The following DPYD variants were observed in gnomAD, a reference collection of about 807,000 sequenced individuals.
The protein encoded by DPYD is dihydropyrimidine dehydrogenase [NADP(+)].
DPYD carries 109 observed loss-of-function variants against 116.2 expected under a neutral mutation model. That is an observed-to-expected ratio of 0.94 (90% CI 0.80 to 1.10). DPYD has a LOEUF of 1.10. Among genes scored for constraint, DPYD ranks in the 50% least tolerant of loss-of-function variants. DPYD has a pLI of 0.00. For missense variants in DPYD, 1,302 were observed against 1,254.5 expected (o/e 1.04, Z -0.57); for synonymous variants, 440 against 432.0 (o/e 1.02, Z -0.23).
At chr1:97,915,706 GA>G (rs1303562619) in intron 1 of DPYD, among the ~76,000 whole-genome samples, 1 of 152,130 alleles carries the variant, frequency 6.6e-6, no homozygotes, top group Non-Finnish European at 1.5e-5. Context: ...AATTAAGGTG[GA>G]ATATAAACAA....
intron 4 of DPYD, among the ~76,000 whole-genome samples, chr1:97,737,362 C>A (rs144878613): frequency 2.6e-5 from 4 of 152,208 alleles, no homozygotes; most frequent in African/African-American, 9.6e-5. Flanking sequence ...ATATCTAAAT[C>A]TTCACATTTT....
chr1:97,306,457 C>A, intron 16 of DPYD, 160 bp from the exon 17 acceptor site: 1 of 924,440 alleles, frequency 1.1e-6, no homozygotes, highest in Non-Finnish European at 1.7e-6. Context: ...TACACCTAGA[C>A]TCATTAGGGA....
intron 16 of DPYD, among the ~76,000 whole-genome samples, chr1:97,338,189 G>C (rs1212946076): frequency 1.3e-5 from 2 of 152,086 alleles, no homozygotes; most frequent in African/African-American, 4.8e-5. Context: ...AGATTCATTA[G>C]AGATAATCTA....
chr1:97,204,845 C>T (rs1329258507), intron 19 of DPYD, among the ~76,000 whole-genome samples: 4 of 152,056 alleles, frequency 2.6e-5, no homozygotes, highest in African/African-American at 9.7e-5. Context: ...GGATCTAATT[C>T]ACCAGGCTTT....
intron 10 of DPYD, among the ~76,000 whole-genome samples, chr1:97,585,674 CTAA>C (rs1404517918): frequency 6.6e-6 from 1 of 152,018 alleles, no homozygotes; most frequent in Non-Finnish European, 1.5e-5. Context: ...TATACATTGA[CTAA>C]TGTGTGTTTA....
chr1:97,272,461 A>G (rs1164244860), intron 18 of DPYD, among the ~76,000 whole-genome samples: 2 of 152,200 alleles, frequency 1.3e-5, no homozygotes, highest in African/African-American at 2.4e-5. Flanking sequence ...TGAGATCATT[A>G]TAACTAGTTT....
At chr1:97,647,974 C>A (rs1380759123) in intron 8 of DPYD, among the ~76,000 whole-genome samples, 1 of 151,994 alleles carries the variant, frequency 6.6e-6, no homozygotes, top group Non-Finnish European at 1.5e-5. Flanking sequence ...ATTCCTGCTG[C>A]TACTACCAAA....
chr1:97,216,079 A>G (rs1215529433), intron 19 of DPYD, among the ~76,000 whole-genome samples: 1 of 152,128 alleles, frequency 6.6e-6, no homozygotes, highest in Non-Finnish European at 1.5e-5. Context: ...TGCTTTTTCC[A>G]TAATGCATTT....
chr1:97,347,916 C>T (rs1558045953), intron 16 of DPYD, among the ~76,000 whole-genome samples: 1 of 152,104 alleles, frequency 6.6e-6, no homozygotes, highest in Non-Finnish European at 1.5e-5. Context: ...TTCTGACTTT[C>T]TAAAGCCTGT....
intron 18 of DPYD, among the ~76,000 whole-genome samples, chr1:97,253,891 G>A (rs544184952): frequency 6.6e-6 from 1 of 152,022 alleles, no homozygotes; most frequent in Non-Finnish European, 1.5e-5. Context: ...ACACAAACTT[G>A]TGAATATTGA....
Position 97,190,630 on chromosome 1 carries a change from C to T in DPYD, c.2622+2439G>A, listed in dbSNP as rs530565314. Among the ~76,000 whole-genome samples, 19 of 152,264 alleles carry T rather than the reference C, an allele frequency of 1.2e-4. No homozygotes were observed. The South Asian group carries it at 3.7e-3, about 30-fold the overall frequency. ...AGTGTACTAACACCCAACTACCTGC[C>T]CTTCAACAGCCACCTGAAGAAATGC... On this transcript the variant is annotated intron_variant, in intron 20 of 22. Transcript: ENST00000370192.
chr1:97,641,103 G>T (rs990793214), intron 8 of DPYD, among the ~76,000 whole-genome samples: 1 of 152,132 alleles, frequency 6.6e-6, no homozygotes, highest in Non-Finnish European at 1.5e-5. Context: ...ATATGGCACT[G>T]CTGAGACTGT....
chr1:97,425,961 AAAC>A (rs984115178), intron 14 of DPYD, among the ~76,000 whole-genome samples: 13 of 152,152 alleles, frequency 8.5e-5, no homozygotes, highest in Middle Eastern at 6.8e-3. Context: ...TAAAAAAAAA[AAAC>A]AACATTTGTC....
Position 97,883,298 on chromosome 1 carries a change from T to C in DPYD, c.116A>G (p.Lys39Arg). 1 of 1,612,646 alleles carries C rather than the reference T, an allele frequency of 6.2e-7. No individual in the cohort carries two copies. Among genetic ancestry groups the C allele is most frequent in the South Asian group, 1.1e-5 (1 of 91,046 alleles). The change falls in exon 2 of 23, where the codon AAA (lysine) becomes AGA (arginine). Residue 39 changes from lysine to arginine, a missense_variant. Coordinates refer to ENST00000370192, the MANE Select transcript of DPYD (RefSeq NM_000110.4). Reference sequence around the variant, plus strand: ...CTTATCAGGATTTCTTTTCCAATGTTTCTTGTCTAATTTCTTGGCCGAAGT... The same window carrying C: ...CTTATCAGGATTTCTTTTCCAATGTCTCTTGTCTAATTTCTTGGCCGAAGT... ...CSTSAKKLDKKHWKRNPDKNC... is the reference protein window; with the variant it reads ...CSTSAKKLDKRHWKRNPDKNC...
At chr1:97,738,506 G>A (rs1408438721) in intron 4 of DPYD, among the ~76,000 whole-genome samples, 1 of 152,018 alleles carries the variant, frequency 6.6e-6, no homozygotes, top group Non-Finnish European at 1.5e-5. Flanking sequence ...TGAGTCTGGC[G>A]ATTCAATTAC....
intron 14 of DPYD, among the ~76,000 whole-genome samples, chr1:97,436,523 A>C (rs1675481405): frequency 6.6e-6 from 1 of 151,960 alleles, no homozygotes; most frequent in Admixed American, 6.6e-5. Flanking sequence ...CCAATGTGGA[A>C]AGACAATATT....
At chr1:97,324,784 A>T (rs987604426) in intron 16 of DPYD, among the ~76,000 whole-genome samples, 1 of 152,078 alleles carries the variant, frequency 6.6e-6, no homozygotes, top group African/African-American at 2.4e-5. Flanking sequence ...GAAGTGATAA[A>T]TATCACCCAG....
intron 20 of DPYD, among the ~76,000 whole-genome samples, chr1:97,119,959 C>T (rs909783113): frequency 6.6e-6 from 1 of 152,148 alleles, no homozygotes; most frequent in Non-Finnish European, 1.5e-5. Context: ...GGCTAATTCT[C>T]ATCCACACAA....
At chr1:97,747,536 T>C (rs1319128340) in intron 3 of DPYD, among the ~76,000 whole-genome samples, 1 of 152,096 alleles carries the variant, frequency 6.6e-6, no homozygotes, top group African/African-American at 2.4e-5. Flanking sequence ...TCCTCTGTCT[T>C]GTAGTAATGA....
Sources: allele counts gnomAD v4.1 joint callset (sites outside exome capture counted in the v4.1 genomes callset), GRCh38; gene constraint gnomAD v4.1.1; transcripts MANE v1.5; gene names NCBI Gene and HGNC (gene_info 2026-07-23, HGNC 2026-07-21).